Variants in GRTP1 observed in about 807,000 individuals in gnomAD.
The protein encoded by GRTP1 is growth hormone regulated TBC protein 1.
In GRTP1, 56 loss-of-function variants were observed where a neutral mutation model predicts 38.1. The ratio of observed to expected loss-of-function variants is 1.47; its 90% confidence interval spans 1.19 to 1.84. The LOEUF (loss-of-function observed/expected upper bound fraction) is 1.84, where lower values mean the gene tolerates loss of function less well. Ranked by LOEUF, GRTP1 falls within the 40% of genes most tolerant of loss-of-function variation. GRTP1 has a pLI of 0.00. For missense variants in GRTP1, 506 were observed against 453.9 expected, an observed-to-expected ratio of 1.11 and a Z score of -1.04; for synonymous variants, 217 against 189.5, an observed-to-expected ratio of 1.14 and a Z score of -1.19.
chr13:113,364,042 C>A lies in GRTP1; in HGVS notation c.10G>T (p.Ala4Ser). MQPAERSRVPRIDP... is the reference protein window; with the variant it reads MQPSERSRVPRIDP... ...CACCTGGGGACCCGCGAGCGCTCGGCGGGCTGCATGCGGGGAGGGAGGCGC... is the reference window on the plus strand; with the variant it reads ...CACCTGGGGACCCGCGAGCGCTCGGAGGGCTGCATGCGGGGAGGGAGGCGC... The change falls in exon 1 of 8, where the codon GCC becomes TCC. Residue 4 changes from alanine (A) to serine (S), a missense_variant. Ala to Ser is a moderately conservative substitution (Grantham distance 99). Coordinates refer to ENST00000375431, the MANE Select transcript of GRTP1 (RefSeq NM_024719.4). 7.8e-7 allele frequency: 1 copy of A among 1,289,618 alleles called. No homozygotes were observed. Among genetic ancestry groups the A allele is most frequent in the Non-Finnish European group, 9.8e-7 (1 of 1,023,406 alleles). 79.9% of individuals were successfully genotyped at this position (1,289,618 alleles called of 1,614,324 possible).
At chr13:113,346,680 G>A (rs1382423986) in intron 4 of GRTP1, among the ~76,000 whole-genome samples, 100 of 514 alleles carry the variant, frequency 0.19, 49 homozygotes, top group African/African-American at 0.69. Flanking sequence ...GAGCGGATCT[G>A]GGAGGACCTC....
intron 5 of GRTP1, among the ~76,000 whole-genome samples, chr13:113,338,231 T>C (rs1270320924): frequency 2.0e-5 from 3 of 152,126 alleles, no homozygotes; most frequent in Admixed American, 6.5e-5. Context: ...GGGATGGTGA[T>C]TGATGGCCAT....
In GRTP1 at chr13:113,349,665, T is replaced by C. The variant is rs959796907; in HGVS notation, c.465+1184A>G. On this transcript the variant is annotated intron_variant, in intron 4 of 7. Transcript: ENST00000375431. The surrounding 1 kb of genome is among the most constrained non-coding windows in gnomAD (Gnocchi z 5.0). Reference sequence around the variant, plus strand: ...AGCTGGTGAGGACAGCGTGGTCCCGTGGCTCTGCTGCTGGCCTTTCACAGG... The same window carrying C: ...AGCTGGTGAGGACAGCGTGGTCCCGCGGCTCTGCTGCTGGCCTTTCACAGG... Among the ~76,000 whole-genome samples the C allele has an allele frequency of 6.6e-6, 1 of 152,210 alleles. No homozygotes were observed. The highest frequency in any genetic ancestry group is 2.4e-5 in the African/African-American group (1 of 41,470).
At chr13:113,340,505 G>A (rs948165315) in intron 5 of GRTP1, among the ~76,000 whole-genome samples, 11 of 146,194 alleles carry the variant, frequency 7.5e-5, no homozygotes, top group African/African-American at 2.4e-4. Flanking sequence ...ATGGCCAGGC[G>A]CTGTAGTTCA....
chr13:113,363,239 G>T (rs137891233), intron 2 of GRTP1, among the ~76,000 whole-genome samples: 1,769 of 152,256 alleles, frequency 0.012, 36 homozygotes, highest in African/African-American at 0.039. Context: ...ACGGAGTCTC[G>T]CTCTGTCGCC....
intron 5 of GRTP1, among the ~76,000 whole-genome samples, chr13:113,335,192 C>A (rs924430846): frequency 6.6e-6 from 1 of 152,020 alleles, no homozygotes; most frequent in Non-Finnish European, 1.5e-5. Context: ...TTATGGATAC[C>A]TAATAGGTGT....
In GRTP1 at chr13:113,349,075, T is replaced by C. The variant is rs1057207584; in HGVS notation, c.465+1774A>G. On this transcript the variant is annotated intron_variant, in intron 4 of 7. Transcript: ENST00000375431. This position sits in a 1 kb window ranked among gnomAD's most constrained non-coding sequence, Gnocchi z 5.0. ...AGAATAGAGATGGGGTCTTGCTCTA[T>C]TGCCCAGGCTGGTCTTGAACTCTTG... is the stretch of plus-strand genomic sequence containing the variant. Among the ~76,000 whole-genome samples, 1 of 152,200 alleles carries C rather than the reference T, an allele frequency of 6.6e-6. No individual in the cohort carries two copies. The highest frequency in any genetic ancestry group is 2.4e-5 in the African/African-American group (1 of 41,452).
chr13:113,350,856 T>C lies in GRTP1; in HGVS notation c.458A>G (p.Tyr153Cys). 1 of 1,572,740 alleles carries C rather than the reference T, an allele frequency of 6.4e-7. No homozygotes were observed. Among genetic ancestry groups the C allele is most frequent in the Non-Finnish European group, 8.7e-7 (1 of 1,151,234 alleles). The change falls in exon 4 of 8, where the codon TAC becomes TGC. Residue 153 changes from tyrosine (Y) to cysteine (C), a missense_variant. Physicochemically the swap from Tyr to Cys is radical, Grantham distance 194. Transcript: ENST00000375431. ...GAGGGTCCCGAGGCTCACCTGGCAG[T>C]AGCCCACTCCCTGGTTATGGTGCCC... ...AYGHHNQGVG[Y>C]CQGMNFIAGY...
intron 4 of GRTP1, among the ~76,000 whole-genome samples, chr13:113,347,800 G>A (rs1462019374): frequency 6.8e-6 from 1 of 146,758 alleles, no homozygotes; most frequent in African/African-American, 2.6e-5. Context: ...CTGTGGCTGA[G>A]CGGATCTGGG....
At chr13:113,329,910 C>G (rs1022670264) in intron 5 of GRTP1, among the ~76,000 whole-genome samples, 2 of 152,222 alleles carry the variant, frequency 1.3e-5, no homozygotes, top group African/African-American at 4.8e-5. Flanking sequence ...GCGTCAATGC[C>G]AAGGAGGGAG....
In GRTP1 at chr13:113,354,906, AGAG is replaced by A. The variant is rs371548073; in HGVS notation, c.340+414_340+416del. Reference sequence around the variant, plus strand: ...GGTTATGTGATTACTGAGAAAAATCAGAGGAGAAGGGAGTCCAGCAATTATGAT... The same window carrying A: ...GGTTATGTGATTACTGAGAAAAATCAGAGAAGGGAGTCCAGCAATTATGAT... On this transcript the variant is annotated intron_variant, in intron 3 of 7. Transcript: ENST00000375431. 6.9e-3 allele frequency among the ~76,000 whole-genome samples: 1,058 copies of A among 152,340 alleles called. 12 individuals carry two copies. The highest frequency in any genetic ancestry group is 0.024 in the African/African-American group (1,011 of 41,568).
intron 5 of GRTP1, among the ~76,000 whole-genome samples, chr13:113,330,810 C>A (rs74115841): frequency 0.91 from 644 of 704 alleles, 309 homozygotes; most frequent in East Asian, 1. Flanking sequence ...TGGATGGAAA[C>A]CCAGGTGTGT....
At chr13:113,331,068 A>G (rs1299217931) in intron 5 of GRTP1, among the ~76,000 whole-genome samples, 4 of 143,546 alleles carry the variant, frequency 2.8e-5, no homozygotes, top group Non-Finnish European at 3.0e-5. Flanking sequence ...GTGGATGGAA[A>G]CCCAGGTGTG....
intron 4 of GRTP1, among the ~76,000 whole-genome samples, chr13:113,346,035 C>T (rs1195488995): frequency 1.2e-4 from 10 of 83,006 alleles, no homozygotes; most frequent in African/African-American, 2.2e-4. Flanking sequence ...CCTGGGAAGA[C>T]ATCTGTGGCC....
At chr13:113,324,799 T>G in intron 7 of GRTP1, 2 of 1,270,822 alleles carry the variant, frequency 1.6e-6, no homozygotes, top group Non-Finnish European at 2.0e-6. Flanking sequence ...AATCAAACGG[T>G]GGAAGAAAAG....
rs141466581 is a variant in GRTP1 at position 113,347,276 on chromosome 13, G to A, written c.466-2317C>T. 4.1e-4 allele frequency among the ~76,000 whole-genome samples: 17 copies of A among 41,064 alleles called. 1 individual carries two copies. Among genetic ancestry groups the A allele is most frequent in the East Asian group, 8.0e-4 (2 of 2,494 alleles). 26.9% of individuals were successfully genotyped at this position (41,064 alleles called of 152,430 possible). Reference sequence around the variant, plus strand: ...GACCTCTGTGGCTGAGAGCAGACCCGGGAGGACCTCTGTGGCTGAGCGGAT... The same window carrying A: ...GACCTCTGTGGCTGAGAGCAGACCCAGGAGGACCTCTGTGGCTGAGCGGAT... On this transcript the variant is annotated intron_variant, in intron 4 of 7. Transcript: ENST00000375431.
chr13:113,363,741 A>C (rs1233727908), intron 2 of GRTP1, 21 bp downstream of exon 2: 2 of 1,591,816 alleles, frequency 1.3e-6, no homozygotes, highest in South Asian at 2.2e-5. Context: ...CTCGGGACCC[A>C]CCTGCGCCCC....
chr13:113,325,973 C>T lies in GRTP1; in HGVS notation c.681G>A (p.Thr227=), dbSNP rs190549985. 4.7e-5 allele frequency: 76 copies of T among 1,613,898 alleles called. No homozygotes were observed. In the Admixed American group the frequency reaches 8.3e-4, roughly 18 times the overall value. ...ALMERLGVLW[T]LLVSRWFICL... is the part of the protein sequence containing the mutation. ...AGATGAACCAGCGGGACACCAGCAG[C>T]GTCCACAGCACACCGAGACGCTCCA... Residue 227 remains threonine (T), a synonymous_variant, in exon 6 of 8, where the codon ACG becomes ACA. Transcript: ENST00000375431.
intron 3 of GRTP1, 65 bp downstream of exon 3, chr13:113,355,258 T>A (rs1025768603): frequency 6.4e-7 from 1 of 1,558,368 alleles, no homozygotes; most frequent in African/African-American, 1.4e-5. Flanking sequence ...GGCTAGACAC[T>A]GGGTGGAAAC....
Sources: allele counts gnomAD v4.1 joint callset (sites outside exome capture counted in the v4.1 genomes callset), GRCh38; gene constraint gnomAD v4.1.1; non-coding constraint Gnocchi (gnomAD v3.1); transcripts MANE v1.5; gene names NCBI Gene and HGNC (gene_info 2026-07-23, HGNC 2026-07-21).